Variants in NGEF observed in about 807,000 individuals in gnomAD.
The protein encoded by NGEF is neuronal guanine nucleotide exchange factor.
In NGEF, 31 loss-of-function variants were observed where a neutral mutation model predicts 80.9. That is an observed-to-expected ratio of 0.38 (90% CI 0.29 to 0.52). The LOEUF (loss-of-function observed/expected upper bound fraction) is 0.52, where lower values mean the gene tolerates loss of function less well. Ranked by LOEUF, NGEF falls within the 20% of genes least tolerant of loss-of-function variation. The pLI, the probability that NGEF is intolerant of heterozygous loss-of-function variation, is 0.84. For synonymous variants in NGEF, 371 were observed against 370.2 expected, an observed-to-expected ratio of 1.00 and a Z score of -0.03; for missense variants, 709 against 926.2, an observed-to-expected ratio of 0.77 and a Z score of 3.04.
intron 1 of NGEF, among the ~76,000 whole-genome samples, chr2:232,992,251 G>A (rs917467544): frequency 1.3e-5 from 2 of 152,054 alleles, no homozygotes; most frequent in Non-Finnish European, 2.9e-5. Context: ...ATGCTTCCAA[G>A]TGCACCACCA....
At chr2:232,995,683 A>ATTGTAGTATATG (rs1263140466) in intron 1 of NGEF, among the ~76,000 whole-genome samples, 4 of 136,008 alleles carry the variant, frequency 2.9e-5, no homozygotes, top group African/African-American at 1.1e-4. Context: ...TGTATTATAT[A>ATTGTAGTATATG]TATTATAGTG....
intron 1 of NGEF, chr2:233,012,604 C>T (rs918211411): frequency 1.2e-5 from 4 of 325,486 alleles, no homozygotes; most frequent in South Asian, 2.4e-5. Flanking sequence ...CATATACGCT[C>T]ATTATCAGGA....
intron 4 of NGEF, among the ~76,000 whole-genome samples, chr2:232,922,457 C>A (rs1575018353): frequency 6.6e-6 from 1 of 152,098 alleles, no homozygotes; most frequent in Non-Finnish European, 1.5e-5. Context: ...AACGATGCAA[C>A]CCAGCCGGAT....
intron 3 of NGEF, among the ~76,000 whole-genome samples, chr2:232,943,704 C>T: frequency 6.6e-6 from 1 of 150,552 alleles, no homozygotes; most frequent in Non-Finnish European, 1.5e-5. Context: ...ACTGTGTTAG[C>T]CAGGTTGGTC....
At chr2:232,884,414 G>T (rs556433655) in intron 10 of NGEF, among the ~76,000 whole-genome samples, 1 of 152,300 alleles carries the variant, frequency 6.6e-6, no homozygotes, top group African/African-American at 2.4e-5. Flanking sequence ...ACTGTGTTGT[G>T]TACCCACATG....
intron 1 of NGEF, among the ~76,000 whole-genome samples, chr2:233,009,858 G>A (rs1695166695): frequency 6.6e-6 from 1 of 151,974 alleles, no homozygotes; most frequent in African/African-American, 2.4e-5. Flanking sequence ...TGGCATCTTG[G>A]GTTGGGCCAT....
chr2:232,895,292 C>T (rs1444685553), intron 5 of NGEF, among the ~76,000 whole-genome samples: 7 of 152,018 alleles, frequency 4.6e-5, no homozygotes, highest in Non-Finnish European at 1.0e-4. Flanking sequence ...TTTAGGAGGC[C>T]GAGGCGGGCA....
At chr2:232,970,564 C>A (rs1694165180) in intron 2 of NGEF, among the ~76,000 whole-genome samples, 1 of 151,932 alleles carries the variant, frequency 6.6e-6, no homozygotes, top group African/African-American at 2.4e-5. Flanking sequence ...TGCGGTGGCT[C>A]ACACCTGTAA....
At chr2:233,005,182 G>A (rs1026096985) in intron 1 of NGEF, among the ~76,000 whole-genome samples, 1 of 152,192 alleles carries the variant, frequency 6.6e-6, no homozygotes, top group African/African-American at 2.4e-5. Flanking sequence ...TGCCATTTCT[G>A]GGATACTGAC....
At chr2:232,982,186 G>A (rs1210376108) in intron 1 of NGEF, among the ~76,000 whole-genome samples, 2 of 152,134 alleles carry the variant, frequency 1.3e-5, no homozygotes, top group Non-Finnish European at 2.9e-5. Flanking sequence ...TGCCCAGCAG[G>A]TGACACTGAA....
At chr2:232,975,059 CG>C in intron 1 of NGEF, 95 bp from the exon 2 acceptor site, 1 of 653,738 alleles carries the variant, frequency 1.5e-6, no homozygotes, top group Non-Finnish European at 2.5e-6. Flanking sequence ...TTTGATGAAA[CG>C]TGGGATAATC....
intron 1 of NGEF, among the ~76,000 whole-genome samples, chr2:232,997,527 G>T (rs1285607872): frequency 1.3e-5 from 2 of 152,106 alleles, no homozygotes; most frequent in East Asian, 1.9e-4. Context: ...CTACAGTGGA[G>T]ATTTCTAGAA....
At chr2:232,923,815 G>A (rs1216045265) in intron 4 of NGEF, among the ~76,000 whole-genome samples, 1 of 152,184 alleles carries the variant, frequency 6.6e-6, no homozygotes, top group Non-Finnish European at 1.5e-5. Flanking sequence ...GAGTGCTGGT[G>A]TCCCCCCAGA....
At chr2:232,953,113 C>T (rs1368327390) in intron 3 of NGEF, among the ~76,000 whole-genome samples, 1 of 151,176 alleles carries the variant, frequency 6.6e-6, no homozygotes. Context: ...ACCAGCCTGA[C>T]CAAGATGGTG....
At chr2:232,986,310 C>A (rs1473976566) in intron 1 of NGEF, among the ~76,000 whole-genome samples, 1 of 152,164 alleles carries the variant, frequency 6.6e-6, no homozygotes, top group Non-Finnish European at 1.5e-5. Flanking sequence ...GGAGGTTCCT[C>A]AAGAGGTTAA....
chr2:232,968,307 T>C (rs6739664), intron 3 of NGEF, among the ~76,000 whole-genome samples: 132,235 of 151,912 alleles, frequency 0.87, 57,762 homozygotes, highest in African/African-American at 0.93. Context: ...AGGCTGGTCT[T>C]GAACTCCTAA....
intron 3 of NGEF, among the ~76,000 whole-genome samples, chr2:232,930,895 A>T: frequency 6.6e-6 from 1 of 152,238 alleles, no homozygotes; most frequent in East Asian, 1.9e-4. Flanking sequence ...TTGTTCCAGC[A>T]TCAACTCTAA....
At chr2:232,893,864 C>T (rs942652458) in intron 6 of NGEF, among the ~76,000 whole-genome samples, 7 of 152,222 alleles carry the variant, frequency 4.6e-5, no homozygotes, top group Non-Finnish European at 2.9e-5. Context: ...CCCAAACCCA[C>T]CAGAAGGCGC....
intron 3 of NGEF, among the ~76,000 whole-genome samples, chr2:232,950,527 G>A (rs1300047127): frequency 1.3e-5 from 2 of 151,856 alleles, no homozygotes; most frequent in Non-Finnish European, 2.9e-5. Context: ...ACTGACCCAG[G>A]AGACCAGGAT....
Sources: allele counts gnomAD v4.1 joint callset (sites outside exome capture counted in the v4.1 genomes callset), GRCh38; gene constraint gnomAD v4.1.1; transcripts MANE v1.5; gene names NCBI Gene and HGNC (gene_info 2026-07-23, HGNC 2026-07-21).